The following ZNF99 variants were observed in gnomAD, a reference collection of about 807,000 sequenced individuals.
The protein encoded by ZNF99 is zinc finger protein ENSP00000375192.
Under a neutral mutation model 12.8 loss-of-function variants are expected in ZNF99, and 8 were observed. The ratio of observed to expected loss-of-function variants is 0.62; its 90% CI spans 0.37 to 1.13. The LOEUF (loss-of-function observed/expected upper bound fraction) is 1.13. Ranked by LOEUF, ZNF99 falls within the 50% of genes most tolerant of loss-of-function variation. The pLI, the probability that ZNF99 is intolerant of heterozygous loss-of-function variation, is 0.02. For synonymous variants in ZNF99, 318 were observed against 319.0 expected (o/e 1.00, Z 0.03); for missense variants, 1,007 against 1,006.2 (o/e 1.00, Z -0.01).
intron 1 of ZNF99, chr19:22,771,246 C>CTTTTTTTTTTTTTT (rs74174102): frequency 1.5e-5 from 1 of 68,206 alleles, no homozygotes; most frequent in African/African-American, 6.8e-5. Flanking sequence ...AAAGCATTTT[C>CTTTTTTTTTTTTTT]TTTTTTTTTT....
At chr19:22,766,933 G>A (rs557089555) in intron 3 of ZNF99, among the ~76,000 whole-genome samples, 27 of 152,118 alleles carry the variant, frequency 1.8e-4, no homozygotes, top group African/African-American at 5.5e-4. Context: ...TTACAGGCGT[G>A]AGACACCATG....
intron 1 of ZNF99, among the ~76,000 whole-genome samples, chr19:22,772,903 A>G (rs1431442602): frequency 2.0e-5 from 3 of 152,174 alleles, no homozygotes; most frequent in Non-Finnish European, 4.4e-5. Context: ...AAGAGGAAGA[A>G]AAAGGAAGTA....
At position 22,753,684 on chromosome 19, in the gene ZNF99, T is replaced by C. The variant is rs1381433444; in HGVS notation, c.*3630A>G. 6.4e-6 allele frequency: 1 copy of C among 156,686 alleles called. No homozygotes were observed. The highest frequency in any genetic ancestry group is 1.4e-5 in the Non-Finnish European group (1 of 70,812). The allele number at this position is 156,686 out of a possible 1,614,324, so 9.7% of individuals were successfully genotyped here. A position where few individuals can be genotyped will look rare whatever the true frequency, so the allele number is the denominator to read the frequency against. ...TAAGGTTTATATTTTCTAAAAGATA[T>C]TCTCACAGTAATTGCATTTTTAATA... On this transcript the variant is annotated 3_prime_UTR_variant, in exon 4 of 4. Transcript: ENST00000596209.
Position 22,756,189 on chromosome 19 carries a change from C to A in ZNF99, c.*1125G>T, listed in dbSNP as rs1973048431. On this transcript the variant is annotated 3_prime_UTR_variant, in exon 4 of 4. Coordinates refer to ENST00000596209, the MANE Select transcript of ZNF99 (RefSeq NM_001080409.3). ...TTTGTAAAATGGTTGAAAGCTTTGA[C>A]ACATTCTTCACATTTTTAGGGCTTC... The A allele has an allele frequency of 1.9e-6, 3 of 1,555,938 alleles. No homozygotes were observed. Among genetic ancestry groups the A allele is most frequent in the African/African-American group, 1.4e-5 (1 of 71,586 alleles).
intron 1 of ZNF99, chr19:22,773,974 T>C (rs1190717418): frequency 1.3e-5 from 2 of 152,936 alleles, no homozygotes; most frequent in Non-Finnish European, 2.9e-5. Context: ...AATGGTGACA[T>C]GGAAAAACCA....
At chr19:22,775,717 A>G (rs62120457) in intron 1 of ZNF99, among the ~76,000 whole-genome samples, 29,410 of 152,244 alleles carry the variant, frequency 0.19, 3,797 homozygotes, top group African/African-American at 0.37. Context: ...AGAAACAAAC[A>G]ACCTCCTTAA....
At chr19:22,779,362 A>G (rs1163473072) in intron 1 of ZNF99, among the ~76,000 whole-genome samples, 3 of 152,034 alleles carry the variant, frequency 2.0e-5, no homozygotes, top group Admixed American at 6.6e-5. Context: ...GGTCTCTACT[A>G]AAAACACAAA....
At position 22,755,756 on chromosome 19, in the gene ZNF99, TA is replaced by T; in HGVS notation, c.*1557del. 6.2e-6 allele frequency: 2 copies of T among 324,216 alleles called. No homozygotes were observed. Among genetic ancestry groups the T allele is most frequent in the Admixed American group, 4.2e-5 (1 of 24,060 alleles). The allele number at this position is 324,216 out of a possible 1,614,324, so 20.1% of individuals were successfully genotyped here. A position where few individuals can be genotyped will look rare whatever the true frequency, so the allele number is the denominator to read the frequency against. On this transcript the variant is annotated 3_prime_UTR_variant, in exon 4 of 4. Transcript: ENST00000596209. ...TGTTCAGTAAGATTTGAGGACTGAT[TA>T]AAAGCTTTGCCACATTCCTCACATT...
chr19:22,758,098 T>G lies in ZNF99; in HGVS notation c.1811A>C (p.His604Pro). ...CTGATGTTTTCTAAGGGCTGAGAAG[T>G]GGTTAAAAGCTTTGCCACATTCTTC... ...KCEECGKAFN[H>P]FSALRKHQII... The change falls in exon 4 of 4, where the codon CAC becomes CCC. Residue 604 changes from histidine (H) to proline (P), a missense_variant. By Grantham distance (77) the His-to-Pro change is moderately conservative. Coordinates refer to ENST00000596209, the MANE Select transcript of ZNF99 (RefSeq NM_001080409.3). The G allele has an allele frequency of 6.2e-7, 1 of 1,604,782 alleles. No homozygotes were observed. The highest frequency in any genetic ancestry group is 8.5e-7 in the Non-Finnish European group (1 of 1,173,732).
intron 1 of ZNF99, chr19:22,769,946 G>C: frequency 7.3e-7 from 1 of 1,360,680 alleles, no homozygotes. Context: ...AAATCATACA[G>C]AATAAGTCTT....
Position 22,781,931 on chromosome 19 carries a change from T to TA in ZNF99, c.3+2082dup, listed in dbSNP as rs573331588. ...TTACCTTTACCCCAAAACATTCTGC[T>TA]AAAATCTGTGGAGCAAGGAGGAAAA... On this transcript the variant is annotated intron_variant, in intron 1 of 3. Transcript: ENST00000596209. Among the ~76,000 whole-genome samples the TA allele has an allele frequency of 2.4e-4, 37 of 151,702 alleles. 1 individual carries two copies. In the South Asian group the frequency reaches 2.5e-3, roughly 10 times the overall value.
chr19:22,765,278 A>T (rs1221780550), intron 3 of ZNF99, among the ~76,000 whole-genome samples: 1 of 152,206 alleles, frequency 6.6e-6, no homozygotes, highest in Admixed American at 6.5e-5. Context: ...GTGGGAGTTA[A>T]GCTATGAGGA....
chr19:22,773,624 A>C (rs551914976), intron 1 of ZNF99, among the ~76,000 whole-genome samples: 271 of 152,320 alleles, frequency 1.8e-3, no homozygotes, highest in Non-Finnish European at 2.6e-3. Context: ...TAGGCTCTCA[A>C]TCTCCTACAA....
At chr19:22,761,044 A>C (rs1973145788) in intron 3 of ZNF99, among the ~76,000 whole-genome samples, 1 of 152,020 alleles carries the variant, frequency 6.6e-6, no homozygotes, top group Admixed American at 6.6e-5. Context: ...ACAAATTTTA[A>C]TTAATTATTA....
intron 1 of ZNF99, among the ~76,000 whole-genome samples, chr19:22,770,781 A>G (rs1973259773): frequency 6.6e-6 from 1 of 152,240 alleles, no homozygotes; most frequent in African/African-American, 2.4e-5. Flanking sequence ...TTGCTCCCCC[A>G]AAGTAAATTA....
intron 1 of ZNF99, among the ~76,000 whole-genome samples, chr19:22,775,959 T>C (rs1434948055): frequency 2.6e-5 from 4 of 151,908 alleles, no homozygotes. Flanking sequence ...GAGGCAGAGG[T>C]TGCAGTGTGC....
intron 1 of ZNF99, chr19:22,773,825 C>T (rs562944672): frequency 2.0e-5 from 3 of 152,366 alleles, no homozygotes; most frequent in East Asian, 3.9e-4. Context: ...TAAACCACAA[C>T]TGCCACAGCA....
chr19:22,781,742 T>A (rs1973390184), intron 1 of ZNF99, among the ~76,000 whole-genome samples: 1 of 152,102 alleles, frequency 6.6e-6, no homozygotes, highest in South Asian at 2.1e-4. Flanking sequence ...CCTCAGGTTG[T>A]CCTACTGGAG....
At chr19:22,762,854 C>T (rs371725304) in intron 3 of ZNF99, among the ~76,000 whole-genome samples, 38 of 152,196 alleles carry the variant, frequency 2.5e-4, no homozygotes, top group African/African-American at 5.1e-4. Flanking sequence ...AAATGTGATA[C>T]ACCACATAAA....
Sources: gnomAD v4.1 joint callset for allele counts (sites outside exome capture counted in the v4.1 genomes callset) on GRCh38, gnomAD v4.1.1 for gene constraint, MANE v1.5 for transcripts, NCBI Gene and HGNC (gene_info 2026-07-23, HGNC 2026-07-21) for gene names.